CREB5: variants seen among roughly 807,000 people sequenced by gnomAD.
CREB5 encodes cyclic AMP-responsive element-binding protein 5.
A neutral mutation model predicts 57.1 loss-of-function variants in CREB5; 19 were observed. The observed-to-expected ratio is 0.33, with a 90% CI of 0.23 to 0.49. The LOEUF (loss-of-function observed/expected upper bound fraction) is 0.49. CREB5 is among the 20% of genes least tolerant of loss of function. The pLI is 0.99. For synonymous variants in CREB5, 238 were observed against 238.3 expected (o/e 1.00, Z 0.01); for missense variants, 579 against 671.6 (o/e 0.86, Z 1.52).
chr7:28,568,461 C>T (rs1373985420), intron 4 of CREB5, among the ~76,000 whole-genome samples: 1 of 152,132 alleles, frequency 6.6e-6, no homozygotes, highest in African/African-American at 2.4e-5. Context: ...TGTCAAGGTT[C>T]AGTTTCAAAA....
chr7:28,745,976 T>C (rs1583659398), intron 7 of CREB5, among the ~76,000 whole-genome samples: 1 of 152,176 alleles, frequency 6.6e-6, no homozygotes, highest in Admixed American at 6.5e-5. Context: ...GAAGTCCAGA[T>C]CAATGCTTCT....
intron 5 of CREB5, among the ~76,000 whole-genome samples, chr7:28,650,919 G>A (rs921118911): frequency 1.3e-5 from 2 of 152,134 alleles, no homozygotes; most frequent in Non-Finnish European, 2.9e-5. Context: ...ACATAAAGAT[G>A]GCAGGGGTCT....
At chr7:28,805,011 A>C (rs1000974857) in intron 8 of CREB5, among the ~76,000 whole-genome samples, 5 of 152,236 alleles carry the variant, frequency 3.3e-5, no homozygotes, top group Admixed American at 2.0e-4. Context: ...GTGAATGTTA[A>C]AAATCTAAAG....
intron 5 of CREB5, among the ~76,000 whole-genome samples, chr7:28,586,902 G>T (rs1037811999): frequency 1.3e-5 from 2 of 152,206 alleles, no homozygotes; most frequent in Admixed American, 6.5e-5. Flanking sequence ...CAAATGCCTG[G>T]CTCAGAAGGG....
chr7:28,340,481 T>A (rs1392134674), intron 1 of CREB5, among the ~76,000 whole-genome samples: 1 of 151,106 alleles, frequency 6.6e-6, no homozygotes, highest in Non-Finnish European at 1.5e-5. Flanking sequence ...AGGTGCTGTA[T>A]CCTACCATGG....
chr7:28,626,551 G>T (rs748081114), intron 5 of CREB5, among the ~76,000 whole-genome samples: 2 of 152,194 alleles, frequency 1.3e-5, no homozygotes, highest in Non-Finnish European at 2.9e-5. Context: ...AACCCAGGAA[G>T]TCTGGCACCA....
intron 7 of CREB5, among the ~76,000 whole-genome samples, chr7:28,796,407 T>G (rs1323695631): frequency 6.6e-6 from 1 of 152,184 alleles, no homozygotes; most frequent in Non-Finnish European, 1.5e-5. Flanking sequence ...TGTGCTTTAT[T>G]TTTCATCAAA....
intron 1 of CREB5, among the ~76,000 whole-genome samples, chr7:28,307,070 G>A (rs1785205758): frequency 6.6e-6 from 1 of 152,106 alleles, no homozygotes; most frequent in South Asian, 2.1e-4. Flanking sequence ...AAACCTAACA[G>A]TGTTTCATGA....
chr7:28,614,051 C>A (rs532343040), intron 5 of CREB5, among the ~76,000 whole-genome samples: 1 of 152,284 alleles, frequency 6.6e-6, no homozygotes, highest in South Asian at 2.1e-4. Flanking sequence ...CTTTGAACTA[C>A]CAGCCTCAAG....
At chr7:28,682,307 G>A (rs993575473) in intron 5 of CREB5, among the ~76,000 whole-genome samples, 9 of 152,190 alleles carry the variant, frequency 5.9e-5, no homozygotes, top group African/African-American at 1.7e-4. Context: ...CACCTAGGCG[G>A]CCCCTCATCC....
At chr7:28,704,164 G>T (rs879855715) in intron 5 of CREB5, among the ~76,000 whole-genome samples, 2 of 152,220 alleles carry the variant, frequency 1.3e-5, no homozygotes, top group Non-Finnish European at 2.9e-5. Flanking sequence ...ATGTCATTGT[G>T]CTTACTAATA....
intron 4 of CREB5, among the ~76,000 whole-genome samples, chr7:28,541,678 C>G (rs1225629701): frequency 2.0e-5 from 3 of 152,000 alleles, no homozygotes; most frequent in African/African-American, 7.3e-5. Flanking sequence ...AACAAACAAA[C>G]AACAACAACA....
chr7:28,445,829 G>A (rs906578150), intron 1 of CREB5, among the ~76,000 whole-genome samples: 4 of 152,146 alleles, frequency 2.6e-5, no homozygotes, highest in Non-Finnish European at 5.9e-5. Context: ...GGGATTACAG[G>A]CGTGAGCCAC....
intron 5 of CREB5, among the ~76,000 whole-genome samples, chr7:28,700,811 A>G (rs1801815784): frequency 6.6e-6 from 1 of 152,156 alleles, no homozygotes; most frequent in African/African-American, 2.4e-5. Context: ...ACAAGGGAGG[A>G]TACTTTTAAC....
chr7:28,577,805 T>C (rs1293351308), intron 5 of CREB5, among the ~76,000 whole-genome samples: 2 of 152,212 alleles, frequency 1.3e-5, no homozygotes, highest in East Asian at 3.8e-4. Flanking sequence ...TTTAATTTTG[T>C]AAACTACTTG....
chr7:28,802,078 G>GAAAAAAAAAAA lies in CREB5; in HGVS notation c.703-2104_703-2094dup, dbSNP rs35658848. Among the ~76,000 whole-genome samples the GAAAAAAAAAAA allele has an allele frequency of 1.5e-4, 4 of 26,650 alleles. 1 individual carries two copies. Among genetic ancestry groups the GAAAAAAAAAAA allele is most frequent in the Non-Finnish European group, 2.6e-4 (4 of 15,324 alleles). The allele number at this position is 26,650 out of a possible 152,430, so 17.5% of individuals were successfully genotyped here. On this transcript the variant is annotated intron_variant, in intron 7 of 10. Transcript: ENST00000357727. ...CTGGCGACACAGCGAGACTCCATCT[G>GAAAAAAAAAAA]AAAAAAAAAAAAAAAAAAAAAAAAA...
At chr7:28,802,877 TA>T (rs1240939529) in intron 7 of CREB5, among the ~76,000 whole-genome samples, 1 of 152,240 alleles carries the variant, frequency 6.6e-6, no homozygotes, top group African/African-American at 2.4e-5. Context: ...AAAAGTAGAA[TA>T]ACATTTCTGA....
intron 1 of CREB5, among the ~76,000 whole-genome samples, chr7:28,422,267 G>T (rs935949520): frequency 1.3e-5 from 2 of 152,154 alleles, no homozygotes; most frequent in African/African-American, 4.8e-5. Context: ...TGTGTGGAGA[G>T]ATGGAGTGTG....
At chr7:28,549,928 G>A (rs1317786412) in intron 4 of CREB5, among the ~76,000 whole-genome samples, 3 of 152,128 alleles carry the variant, frequency 2.0e-5, no homozygotes, top group Admixed American at 6.6e-5. Flanking sequence ...CAGCCACTTG[G>A]TTGGTTTCAC....
Sources: gnomAD v4.1 joint callset for allele counts (sites outside exome capture counted in the v4.1 genomes callset) on GRCh38, gnomAD v4.1.1 for gene constraint, MANE v1.5 for transcripts, NCBI Gene and HGNC (gene_info 2026-07-23, HGNC 2026-07-21) for gene names.